The following NBAS variants were observed in gnomAD, a reference collection of about 807,000 sequenced individuals.
NBAS encodes NBAS subunit of NRZ tethering complex.
In NBAS, 219 loss-of-function variants were observed where a neutral mutation model predicts 302.5. The observed-to-expected ratio is 0.72, with a 90% confidence interval of 0.65 to 0.81. The LOEUF (loss-of-function observed/expected upper bound fraction) is 0.81. NBAS is among the 30% of genes least tolerant of loss of function. The pLI, the probability that NBAS is intolerant of heterozygous loss-of-function variation, is 0.00. For synonymous variants in NBAS, 1,118 were observed against 1,021.6 expected (o/e 1.09, Z -1.80); for missense variants, 2,932 against 2,841.6 (o/e 1.03, Z -0.72).
chr2:15,289,952 G>A (rs72776652), intron 41 of NBAS, among the ~76,000 whole-genome samples: 30,289 of 151,840 alleles, frequency 0.2, 3,821 homozygotes, highest in East Asian at 0.55. Flanking sequence ...AGCTGAGATC[G>A]TGCCACAGCC....
At chr2:14,857,646 T>G in the NBAS span, among the ~76,000 whole-genome samples, 427 of 152,298 alleles carry the variant, frequency 2.8e-3, 1 homozygote, top group African/African-American at 9.9e-3. Context: ...ACTAGACCTC[T>G]TTCTTGCTAT....
the NBAS span, among the ~76,000 whole-genome samples, chr2:15,065,403 C>A: frequency 6.6e-6 from 1 of 151,946 alleles, no homozygotes; most frequent in Non-Finnish European, 1.5e-5. Flanking sequence ...CTAGACAGAG[C>A]AATTAGGCAA....
At chr2:15,011,810 T>C in the NBAS span, among the ~76,000 whole-genome samples, 1 of 152,208 alleles carries the variant, frequency 6.6e-6, no homozygotes, top group African/African-American at 2.4e-5. Flanking sequence ...ATCACTAGCA[T>C]GGATTATTGC....
the NBAS span, among the ~76,000 whole-genome samples, chr2:14,815,464 T>C: frequency 6.6e-6 from 1 of 152,212 alleles, no homozygotes; most frequent in Non-Finnish European, 1.5e-5. Flanking sequence ...AGAGTGCCCA[T>C]TGGGAAAACA....
chr2:15,058,783 T>C, the NBAS span, among the ~76,000 whole-genome samples: 1 of 152,224 alleles, frequency 6.6e-6, no homozygotes, highest in African/African-American at 2.4e-5. Flanking sequence ...CCCTCCTCTG[T>C]AATGTGGCGA....
the NBAS span, among the ~76,000 whole-genome samples, chr2:14,981,068 A>G: frequency 1.3e-5 from 2 of 152,162 alleles, no homozygotes; most frequent in African/African-American, 4.8e-5. Flanking sequence ...TGAGAGGAAA[A>G]AAAAACAGAA....
At chr2:15,080,707 C>CTGG in the NBAS span, among the ~76,000 whole-genome samples, 1 of 152,182 alleles carries the variant, frequency 6.6e-6, no homozygotes, top group East Asian at 1.9e-4. Context: ...GTCTGGCACC[C>CTGG]TGGTGGGGGT....
chr2:15,153,111 T>C, the NBAS span, among the ~76,000 whole-genome samples: 4 of 152,102 alleles, frequency 2.6e-5, no homozygotes, highest in African/African-American at 9.7e-5. Context: ...GAGAATAATT[T>C]CCAAAAGTGG....
chr2:15,079,662 T>C, the NBAS span, among the ~76,000 whole-genome samples: 4 of 152,214 alleles, frequency 2.6e-5, no homozygotes, highest in Non-Finnish European at 4.4e-5. Context: ...CCATTTTATC[T>C]GATCTGTCCA....
the NBAS span, among the ~76,000 whole-genome samples, chr2:14,923,814 C>T: frequency 6.6e-5 from 10 of 152,152 alleles, no homozygotes; most frequent in Non-Finnish European, 1.3e-4. Context: ...GAATGGAAAG[C>T]TCTCTAAGTT....
chr2:15,175,679 C>A (rs1219939643), intron 51 of NBAS, among the ~76,000 whole-genome samples: 4 of 152,122 alleles, frequency 2.6e-5, no homozygotes, highest in Admixed American at 2.0e-4. Context: ...GAAGGACTTT[C>A]CATTTCTGGC....
rs116292130 is a variant in NBAS at position 15,412,009 on chromosome 2, G to C, written c.2937+3537C>G. ...AGCAAAGAACAATGGCTTAAAATCA[G>C]AAAGGAGTGCTTTAAGATACTATTT... On this transcript the variant is annotated intron_variant, in intron 25 of 51. Coordinates refer to ENST00000281513, the MANE Select transcript of NBAS (RefSeq NM_015909.4). Among the ~76,000 whole-genome samples the C allele has an allele frequency of 6.7e-3, 1,026 of 152,120 alleles. 12 individuals carry two copies. The highest frequency in any genetic ancestry group is 0.022 in the African/African-American group (926 of 41,494).
chr2:15,162,265 A>T (rs904465496), downstream of NBAS, among the ~76,000 whole-genome samples: 1 of 152,164 alleles, frequency 6.6e-6, no homozygotes, highest in Admixed American at 6.5e-5. Flanking sequence ...CCCATGGCCG[A>T]GTAGAAATTC....
intron 49 of NBAS, among the ~76,000 whole-genome samples, chr2:15,188,750 T>A (rs890375927): frequency 6.6e-6 from 1 of 152,192 alleles, no homozygotes; most frequent in Non-Finnish European, 1.5e-5. Context: ...TTCTTGAGAA[T>A]AAGTGAATGA....
chr2:15,344,230 T>C (rs1323413626), intron 35 of NBAS, among the ~76,000 whole-genome samples: 2 of 151,692 alleles, frequency 1.3e-5, no homozygotes, highest in East Asian at 3.9e-4. Context: ...TAAAAAAAAT[T>C]CTATCAAAAA....
At chr2:15,387,513 TTAAAA>T (rs1424848739) in intron 28 of NBAS, among the ~76,000 whole-genome samples, 1 of 152,232 alleles carries the variant, frequency 6.6e-6, no homozygotes, top group Non-Finnish European at 1.5e-5. Flanking sequence ...TTCCAGATTT[TTAAAA>T]TCTGTCATTA....
chr2:15,512,551 T>C (rs1265424059), intron 9 of NBAS, among the ~76,000 whole-genome samples: 1 of 152,176 alleles, frequency 6.6e-6, no homozygotes, highest in Middle Eastern at 3.2e-3. Context: ...AGGGAGAGTA[T>C]CCTGAATTAT....
At chr2:15,078,463 TA>T in the NBAS span, among the ~76,000 whole-genome samples, 1 of 152,234 alleles carries the variant, frequency 6.6e-6, no homozygotes, top group Non-Finnish European at 1.5e-5. Flanking sequence ...TTTGTCACTT[TA>T]ATCTTTTTCA....
At chr2:15,440,557 G>GA (rs1269317019) in intron 21 of NBAS, among the ~76,000 whole-genome samples, 3 of 152,098 alleles carry the variant, frequency 2.0e-5, no homozygotes, top group Admixed American at 6.5e-5. Context: ...CAAAGATGGG[G>GA]AAAAAACAGA....
Sources: allele counts gnomAD v4.1 joint callset (sites outside exome capture counted in the v4.1 genomes callset), GRCh38; gene constraint gnomAD v4.1.1; transcripts MANE v1.5; gene names NCBI Gene and HGNC (gene_info 2026-07-23, HGNC 2026-07-21).